VPS35L: variants seen among roughly 807,000 people sequenced by gnomAD.
VPS35L encodes the protein VPS35 endosomal protein-sorting factor-like.
In VPS35L, 83 loss-of-function variants were observed where a neutral mutation model predicts 133.0. The observed-to-expected ratio is 0.62, with a 90% CI of 0.52 to 0.75. The LOEUF (loss-of-function observed/expected upper bound fraction) is 0.75, where lower values mean the gene tolerates loss of function less well. VPS35L is among the 30% of genes least tolerant of loss of function. The pLI is 0.00. For missense variants in VPS35L, 1,083 were observed against 1,206.8 expected (o/e 0.90, Z 1.52); for synonymous variants, 423 against 449.9 (o/e 0.94, Z 0.76).
chr16:19,597,309 C>T (rs1484574853), intron 8 of VPS35L, among the ~76,000 whole-genome samples: 2 of 151,354 alleles, frequency 1.3e-5, no homozygotes, highest in African/African-American at 4.9e-5. Flanking sequence ...AAGTTTGAGA[C>T]TGCAGTGAGC....
chr16:19,556,279 G>A (rs1970852289), intron 1 of VPS35L, among the ~76,000 whole-genome samples: 1 of 152,194 alleles, frequency 6.6e-6, no homozygotes, highest in Admixed American at 6.5e-5. Flanking sequence ...GCACAGTAGA[G>A]GGATGTCTAA....
intron 26 of VPS35L, among the ~76,000 whole-genome samples, chr16:19,663,669 CTTTTTTTTTTTTTTT>C (rs59826351): frequency 9.4e-5 from 6 of 63,918 alleles, no homozygotes; most frequent in Middle Eastern, 0.016. Context: ...GCAGTAATTT[CTTTTTTTTTTTTTTT>C]TTTTTTTTTT....
chr16:19,564,695 G>A (rs1226704991), intron 1 of VPS35L, among the ~76,000 whole-genome samples, 156 bp from the exon 2 acceptor site: 1 of 152,158 alleles, frequency 6.6e-6, no homozygotes, highest in East Asian at 1.9e-4. Flanking sequence ...CACTGCGCCT[G>A]GCCAAAAAGT....
At chr16:19,602,948 AG>A in intron 9 of VPS35L, among the ~76,000 whole-genome samples, 1 of 145,698 alleles carries the variant, frequency 6.9e-6, no homozygotes, top group East Asian at 2.0e-4. Context: ...TCATCTTTGT[AG>A]ACACGGGGTC....
At chr16:19,578,381 A>T in intron 5 of VPS35L, 3 of 430,442 alleles carry the variant, frequency 7.0e-6, no homozygotes, top group Non-Finnish European at 1.4e-5. Context: ...CTCAAAAAAA[A>T]AAAAATGCTA....
rs566491111 is a variant in VPS35L at position 19,664,389 on chromosome 16, A to G, written c.2222-4771A>G. 2.5e-4 allele frequency among the ~76,000 whole-genome samples: 38 copies of G among 151,850 alleles called. No individual in the cohort carries two copies. In the East Asian group the frequency reaches 5.4e-3, roughly 22 times the overall value. On this transcript the variant is annotated intron_variant, in intron 26 of 30. Transcript: ENST00000417362. Reference sequence around the variant, plus strand: ...GAGAGCAGTGCCGTGAGATGCGTCAATTGCTGTGTGGAAAGAACCATAGAA... The same window carrying G: ...GAGAGCAGTGCCGTGAGATGCGTCAGTTGCTGTGTGGAAAGAACCATAGAA...
intron 26 of VPS35L, among the ~76,000 whole-genome samples, chr16:19,666,915 TCTTTCTTTCTTTCTTTCTTC>T (rs1974694434): frequency 2.4e-5 from 2 of 83,054 alleles, no homozygotes; most frequent in South Asian, 3.4e-4. Flanking sequence ...TTTCTTTCTT[TCTTTCTTTCTTTCTTTCTTC>T]CTTTCTTCCT....
At chr16:19,612,923 CG>C (rs1972771895) in intron 12 of VPS35L, among the ~76,000 whole-genome samples, 1 of 152,170 alleles carries the variant, frequency 6.6e-6, no homozygotes, top group Non-Finnish European at 1.5e-5. Flanking sequence ...GAGTGCCCTG[CG>C]TCTGTTGAAA....
chr16:19,677,782 C>T (rs1206261233), intron 27 of VPS35L, among the ~76,000 whole-genome samples: 1 of 152,172 alleles, frequency 6.6e-6, no homozygotes, highest in African/African-American at 2.4e-5. Context: ...CTCTGTTTTC[C>T]CCAGTGCCCT....
In VPS35L at chr16:19,677,334, C is replaced by T. The variant is rs1041919964; in HGVS notation, c.2362-4891C>T. ...TCCTGACCTCGTGATCCACCTGCCT[C>T]GGCCTCCCAGAGTGCTGGAATTACA... On this transcript the variant is annotated intron_variant, in intron 27 of 30. Coordinates refer to ENST00000417362, the MANE Select transcript of VPS35L (RefSeq NM_020314.7). 3.9e-5 allele frequency among the ~76,000 whole-genome samples: 6 copies of T among 152,150 alleles called. No homozygotes were observed. In the East Asian group the frequency reaches 7.7e-4, roughly 20 times the overall value.
In VPS35L at chr16:19,587,969, T is replaced by G. The variant is rs939431805; in HGVS notation, c.640-3821T>G. 5.9e-5 allele frequency among the ~76,000 whole-genome samples: 9 copies of G among 151,778 alleles called. No individual in the cohort carries two copies. In the East Asian group the frequency reaches 1.6e-3, roughly 27 times the overall value. On this transcript the variant is annotated intron_variant, in intron 7 of 30. Coordinates refer to ENST00000417362, the MANE Select transcript of VPS35L (RefSeq NM_020314.7). ...TGTGCACCACCACACCTAGCTAATTTTTGTATTTTTAGTAGAGGTGGGGTT... is the reference window on the plus strand; with the variant it reads ...TGTGCACCACCACACCTAGCTAATTGTTGTATTTTTAGTAGAGGTGGGGTT...
In VPS35L at chr16:19,591,701, T is replaced by C. The variant is rs558716199; in HGVS notation, c.640-89T>C. ...CACATAGTAAGTATCTCAACTTGTA[T>C]ATAGAAACCATTAATTTTTCAGATC... On this transcript the variant is annotated intron_variant, in intron 7 of 30. Transcript: ENST00000417362. 95 of 973,886 alleles carry C rather than the reference T, an allele frequency of 9.8e-5. No individual in the cohort carries two copies. The African/African-American group carries it at 1.1e-3, about 11-fold the overall frequency. The allele number at this position is 973,886 out of a possible 1,614,324, so 60.3% of individuals were successfully genotyped here. A position where few individuals can be genotyped will look rare whatever the true frequency, so the allele number is the denominator to read the frequency against.
intron 27 of VPS35L, among the ~76,000 whole-genome samples, chr16:19,674,955 C>CTTTTT (rs566657093): frequency 7.0e-6 from 1 of 142,828 alleles, no homozygotes; most frequent in African/African-American, 2.6e-5. Flanking sequence ...TCTTTTCTTT[C>CTTTTT]TTTTTTTTTT....
intron 9 of VPS35L, among the ~76,000 whole-genome samples, chr16:19,603,943 G>T (rs1012339385): frequency 6.6e-6 from 1 of 151,996 alleles, no homozygotes; most frequent in Non-Finnish European, 1.5e-5. Flanking sequence ...TGTTGGCCAG[G>T]CTGGTCTTCA....
intron 2 of VPS35L, 137 bp from the exon 3 acceptor site, chr16:19,569,286 TC>T: frequency 1.1e-6 from 1 of 928,676 alleles, no homozygotes; most frequent in Non-Finnish European, 1.7e-6. Flanking sequence ...AAACTAAGCA[TC>T]CCCTGCAGAT....
At chr16:19,687,484 A>C (rs1325386779) in intron 28 of VPS35L, among the ~76,000 whole-genome samples, 1 of 152,200 alleles carries the variant, frequency 6.6e-6, no homozygotes, top group African/African-American at 2.4e-5. Context: ...GCCGGCTTGG[A>C]AATTCTGAGA....
At chr16:19,669,955 G>A (rs371970950) in intron 27 of VPS35L, among the ~76,000 whole-genome samples, 17 of 152,110 alleles carry the variant, frequency 1.1e-4, no homozygotes, top group East Asian at 7.7e-4. Context: ...ACAGGTGTGA[G>A]CCACCATGCC....
At chr16:19,655,753 C>T (rs1343686021) in intron 26 of VPS35L, among the ~76,000 whole-genome samples, 1 of 152,154 alleles carries the variant, frequency 6.6e-6, no homozygotes, top group African/African-American at 2.4e-5. Flanking sequence ...GAAGGACTTG[C>T]AAGCTAGAGA....
intron 8 of VPS35L, 74 bp downstream of exon 8, chr16:19,591,948 T>C (rs1972057808): frequency 3.4e-6 from 4 of 1,191,002 alleles, no homozygotes; most frequent in Non-Finnish European, 5.0e-6. Context: ...GTAGAGTTAC[T>C]GTAAATTAGG....
Sources: gnomAD v4.1 joint callset for allele counts (sites outside exome capture counted in the v4.1 genomes callset) on GRCh38, gnomAD v4.1.1 for gene constraint, MANE v1.5 for transcripts, NCBI Gene and HGNC (gene_info 2026-07-23, HGNC 2026-07-21) for gene names.